The following LTBP1 variants were observed in gnomAD, a reference collection of about 807,000 sequenced individuals.
LTBP1 encodes the protein latent transforming growth factor beta binding protein 1.
In LTBP1, 129 loss-of-function variants were observed where a neutral mutation model predicts 207.6. The observed-to-expected ratio is 0.62, with a 90% confidence interval of 0.54 to 0.72. The LOEUF (loss-of-function observed/expected upper bound fraction) is 0.72. Among genes scored for constraint, LTBP1 ranks in the 30% least tolerant of loss-of-function variants. LTBP1 has a pLI of 0.00. For missense variants in LTBP1, 2,281 were observed against 2,217.2 expected (o/e 1.03, Z -0.58); for synonymous variants, 963 against 833.7 (o/e 1.16, Z -2.67).
intron 31 of LTBP1, among the ~76,000 whole-genome samples, chr2:33,370,876 A>C (rs2095060068): frequency 6.6e-6 from 1 of 152,224 alleles, no homozygotes; most frequent in African/African-American, 2.4e-5. Context: ...AGCTTTAAGC[A>C]TTAAAGTGCA....
chr2:33,044,227 C>G (rs1376551156), intron 3 of LTBP1, among the ~76,000 whole-genome samples: 1 of 151,980 alleles, frequency 6.6e-6, no homozygotes, highest in Non-Finnish European at 1.5e-5. Flanking sequence ...AACCTGTCAT[C>G]TACATTAGGT....
chr2:33,138,007 T>A (rs2082280749), intron 5 of LTBP1, among the ~76,000 whole-genome samples: 1 of 152,156 alleles, frequency 6.6e-6, no homozygotes, highest in African/African-American at 2.4e-5. Context: ...CGGGGCTGAA[T>A]CCTGGGGTAA....
At chr2:33,263,460 T>A in intron 15 of LTBP1, 68 bp downstream of exon 15, 1 of 1,122,012 alleles carries the variant, frequency 8.9e-7, no homozygotes, top group Non-Finnish European at 1.3e-6. Flanking sequence ...ATTTTAAATG[T>A]AGTATCCATT....
At position 33,173,956 on chromosome 2, in the gene LTBP1, C is replaced by T. The variant is rs1263967808; in HGVS notation, c.1202-12900C>T. ...AAAGACCTTTGACAAAATTCAACAA[C>T]GCTTCATGCTAAAAACTCTCAATAA... On this transcript the variant is annotated intron_variant, in intron 5 of 33. Transcript: ENST00000404816. 1.8e-4 allele frequency among the ~76,000 whole-genome samples: 25 copies of T among 138,934 alleles called. 1 individual carries two copies. Among genetic ancestry groups the T allele is most frequent in the African/African-American group, 4.8e-4 (19 of 39,562 alleles). 91.1% of individuals were successfully genotyped at this position (138,934 alleles called of 152,430 possible). A position where few individuals can be genotyped will look rare whatever the true frequency, so the allele number is the denominator to read the frequency against.
chr2:33,117,662 C>T (rs218191), intron 4 of LTBP1, among the ~76,000 whole-genome samples: 3,433 of 152,316 alleles, frequency 0.023, 56 homozygotes, highest in South Asian at 0.036. Context: ...TGCTTAAAGG[C>T]TCTGGATGCC....
At chr2:33,026,488 G>C (rs189431306) in intron 3 of LTBP1, among the ~76,000 whole-genome samples, 1 of 152,270 alleles carries the variant, frequency 6.6e-6, no homozygotes, top group East Asian at 1.9e-4. Context: ...TATATTGCAG[G>C]ACGTACCCTT....
At chr2:33,271,953 A>G (rs2093330757) in intron 15 of LTBP1, among the ~76,000 whole-genome samples, 1 of 152,240 alleles carries the variant, frequency 6.6e-6, no homozygotes, top group South Asian at 2.1e-4. Flanking sequence ...TATTTTCACT[A>G]TAAACAAATG....
At position 33,153,984 on chromosome 2, in the gene LTBP1, C is replaced by A. The variant is rs2083752792; in HGVS notation, c.1201+19024C>A. 3.3e-5 allele frequency among the ~76,000 whole-genome samples: 5 copies of A among 152,262 alleles called. No individual in the cohort carries two copies. The South Asian group carries it at 1.0e-3, about 32-fold the overall frequency. On this transcript the variant is annotated intron_variant, in intron 5 of 33. Transcript: ENST00000404816. ...GGGTCCCTGAAGGTGGTTTATGTTC[C>A]TCTACCTCAGGCCACAGCGCTGTCA...
intron 3 of LTBP1, among the ~76,000 whole-genome samples, chr2:33,107,670 C>T (rs770759086): frequency 9.9e-5 from 15 of 152,088 alleles, no homozygotes; most frequent in East Asian, 5.8e-4. Context: ...TGTGGCTGTA[C>T]GATTGCATAA....
chr2:33,088,074 A>G (rs962316322), intron 3 of LTBP1, among the ~76,000 whole-genome samples: 32 of 152,366 alleles, frequency 2.1e-4, no homozygotes, highest in African/African-American at 7.2e-4. Flanking sequence ...AGGCATGTCA[A>G]GTGCTATAAT....
intron 31 of LTBP1, among the ~76,000 whole-genome samples, chr2:33,369,133 A>G (rs894940846): frequency 6.6e-6 from 1 of 152,194 alleles, no homozygotes; most frequent in African/African-American, 2.4e-5. Context: ...TATGAAGTAC[A>G]TATTATATAA....
At chr2:33,161,467 C>G (rs1269742220) in intron 5 of LTBP1, among the ~76,000 whole-genome samples, 2 of 152,146 alleles carry the variant, frequency 1.3e-5, no homozygotes, top group Non-Finnish European at 2.9e-5. Context: ...TGGGGTTTCA[C>G]CGTCTTGGCC....
chr2:33,304,413 T>A (rs181467098), intron 22 of LTBP1, among the ~76,000 whole-genome samples: 1 of 152,336 alleles, frequency 6.6e-6, no homozygotes, highest in Non-Finnish European at 1.5e-5. Context: ...TCTTGTTGGC[T>A]TTTATGTTTA....
Position 33,020,921 on chromosome 2 carries a change from C to T in LTBP1, c.578C>T (p.Pro193Leu), listed in dbSNP as rs567619903. ...TTTCTTTCTGCAGCTAGCTGTGTTCCGCCATGTCAGAATGGAGGGATGTGT... is the reference window on the plus strand; with the variant it reads ...TTTCTTTCTGCAGCTAGCTGTGTTCTGCCATGTCAGAATGGAGGGATGTGT... ...SQRCTKPSCV[P>L]PCQNGGMCLR... is the part of the protein sequence containing the mutation. The change falls in exon 3 of 34, where the codon CCG (proline) becomes CTG (leucine). Residue 193 changes from proline to leucine, a missense_variant. By Grantham distance (98) the Pro-to-Leu change is moderately conservative (BLOSUM62 -3). This residue lies in a region of LTBP1 where 555 missense variants were observed against 491.0 expected (regional missense o/e 1.13). Coordinates refer to ENST00000404816, the MANE Select transcript of LTBP1 (RefSeq NM_206943.4). The T allele has an allele frequency of 8.5e-5, 134 of 1,584,440 alleles. No homozygotes were observed. Among genetic ancestry groups the T allele is most frequent in the Admixed American group, 2.4e-4 (14 of 58,530 alleles).
chr2:33,202,217 C>G (rs150031930), intron 7 of LTBP1, among the ~76,000 whole-genome samples: 11 of 152,168 alleles, frequency 7.2e-5, no homozygotes, highest in African/African-American at 2.7e-4. Flanking sequence ...AAAAGAGTTT[C>G]AATACTTTTG....
intron 7 of LTBP1, among the ~76,000 whole-genome samples, chr2:33,215,836 C>G (rs2090652830): frequency 6.6e-6 from 1 of 151,932 alleles, no homozygotes; most frequent in Non-Finnish European, 1.5e-5. Flanking sequence ...CTGCCTCAGC[C>G]TCCTGAGTAG....
intron 2 of LTBP1, among the ~76,000 whole-genome samples, chr2:33,011,825 A>T (rs1687710584): frequency 6.6e-6 from 1 of 151,904 alleles, no homozygotes; most frequent in Admixed American, 6.6e-5. Context: ...CCCAAACCTG[A>T]TCGCTTATGA....
At chr2:33,178,847 A>G (rs1422605899) in intron 5 of LTBP1, among the ~76,000 whole-genome samples, 1 of 152,086 alleles carries the variant, frequency 6.6e-6, no homozygotes, top group Non-Finnish European at 1.5e-5. Context: ...TCCACCCCCA[A>G]CATTTTTGTA....
At position 33,362,658 on chromosome 2, in the gene LTBP1, T is replaced by C. The variant is rs575935561; in HGVS notation, c.4271-732T>C. ...ATCTGTGTTAACTTTAAGCAAGTCA[T>C]CTATGGAGTCTTCAGGTTGTAAAAT... On this transcript the variant is annotated intron_variant, in intron 28 of 33. Transcript: ENST00000404816. Among the ~76,000 whole-genome samples the C allele has an allele frequency of 3.9e-5, 6 of 152,326 alleles. No individual in the cohort carries two copies. The East Asian group carries it at 1.2e-3, about 29-fold the overall frequency.
Sources: gnomAD v4.1 joint callset for allele counts (sites outside exome capture counted in the v4.1 genomes callset) on GRCh38, gnomAD v4.1.1 for gene constraint, gnomAD v4.1.1 regional missense constraint, MANE v1.5 for transcripts, NCBI Gene and HGNC (gene_info 2026-07-23, HGNC 2026-07-21) for gene names.